The following MRTFA variants were observed in gnomAD, a reference collection of about 807,000 sequenced individuals.
MRTFA encodes myocardin-related transcription factor A.
MRTFA carries 20 observed loss-of-function variants against 83.5 expected under a neutral mutation model. That is an observed-to-expected ratio of 0.24 (90% CI 0.17 to 0.35). The LOEUF (loss-of-function observed/expected upper bound fraction) is 0.35. Among genes scored for constraint, MRTFA ranks in the 10% least tolerant of loss-of-function variants. The probability of loss-of-function intolerance (pLI) is 1.00; values close to 1 mark genes in which losing one functional copy is unlikely to be tolerated. For missense variants in MRTFA, 1,200 were observed against 1,224.7 expected (o/e 0.98, Z 0.30); for synonymous variants, 659 against 541.2 (o/e 1.22, Z -3.02).
chr22:40,631,526 G>A (rs892297659), intron 1 of MRTFA, among the ~76,000 whole-genome samples: 4 of 152,058 alleles, frequency 2.6e-5, no homozygotes, highest in African/African-American at 4.8e-5. Flanking sequence ...GTAGAGCCAG[G>A]ATTCCGATCT....
At chr22:40,538,537 C>A (rs1353839314) in intron 3 of MRTFA, among the ~76,000 whole-genome samples, 1 of 145,108 alleles carries the variant, frequency 6.9e-6, no homozygotes, top group African/African-American at 2.6e-5. Context: ...AAATCCCCCT[C>A]TGTGAGAAAC....
chr22:40,561,563 C>A (rs1602431443), intron 2 of MRTFA, among the ~76,000 whole-genome samples: 1 of 151,748 alleles, frequency 6.6e-6, no homozygotes, highest in Non-Finnish European at 1.5e-5. Flanking sequence ...ACTGCCCTTG[C>A]CTCTGTCTCT....
In MRTFA at chr22:40,519,444, G is replaced by A. The variant is rs150885830; in HGVS notation, c.241+32662C>T. 6.1e-3 allele frequency: 8,206 copies of A among 1,334,816 alleles called. 36 individuals are homozygous for A. Among genetic ancestry groups the A allele is most frequent in the Non-Finnish European group, 7.5e-3 (7,567 of 1,006,688 alleles). 82.7% of individuals were successfully genotyped at this position (1,334,816 alleles called of 1,614,324 possible). On this transcript the variant is annotated intron_variant, in intron 3 of 14. Transcript: ENST00000355630. Reference sequence around the variant, plus strand: ...ATCAGGGTTGAGAGATGAAGGCGATGTTGTTTTAGCGTTACCTACCAGTGC... The same window carrying A: ...ATCAGGGTTGAGAGATGAAGGCGATATTGTTTTAGCGTTACCTACCAGTGC...
chr22:40,558,522 C>A (rs541127199), intron 2 of MRTFA, among the ~76,000 whole-genome samples: 1 of 152,046 alleles, frequency 6.6e-6, no homozygotes, highest in Non-Finnish European at 1.5e-5. Context: ...AGAGATTTAG[C>A]ATTTACATGT....
At chr22:40,456,712 A>G (rs2147139198) in intron 4 of MRTFA, among the ~76,000 whole-genome samples, 1 of 152,274 alleles carries the variant, frequency 6.6e-6, no homozygotes, top group Middle Eastern at 3.4e-3. Flanking sequence ...CAAATTTTAA[A>G]AAGTTTTCTT....
At position 40,411,119 on chromosome 22, in the gene MRTFA, G is replaced by A. The variant is rs1602185140; in HGVS notation, c.*271C>T. 6 of 355,014 alleles carry A rather than the reference G, an allele frequency of 1.7e-5. No individual in the cohort carries two copies. The East Asian group carries it at 2.5e-4, about 15-fold the overall frequency. The allele number at this position is 355,014 out of a possible 1,614,324, so 22.0% of individuals were successfully genotyped here. The stretch of plus-strand genomic sequence containing the variant: ...GTGCCCCCTGACCTCAAAAAAGGAG[G>A]TCAAGCTGAAATGGCCCTGACCCTG... On this transcript the variant is annotated 3_prime_UTR_variant, in exon 15 of 15. Transcript: ENST00000355630.
rs754299840 is a variant in MRTFA at position 40,417,295 on chromosome 22, C to T, written c.2517+46G>A. 15 of 1,591,562 alleles carry T rather than the reference C, an allele frequency of 9.4e-6. No individual in the cohort carries two copies. In the South Asian group the frequency reaches 1.5e-4, roughly 16 times the overall value. On this transcript the variant is annotated intron_variant, in intron 13 of 14. Transcript: ENST00000355630. ...GCTGTAGGAGCCTCAGCCCAGCAGC[C>T]TAGGGCAGCTGCCAACACTAGCCAG... is the stretch of plus-strand genomic sequence containing the variant.
chr22:40,448,500 AATGC>A (rs1030210321), intron 4 of MRTFA, among the ~76,000 whole-genome samples: 1 of 152,160 alleles, frequency 6.6e-6, no homozygotes, highest in Non-Finnish European at 1.5e-5. Context: ...GATGAAACAA[AATGC>A]ATGATGGGTT....
chr22:40,418,645 T>A lies in MRTFA; in HGVS notation c.2093A>T (p.Asn698Ile). Reference sequence around the variant, plus strand: ...GGTGGCTGGGGCCGCCAGGCTGGGGTTGAATGGGTGAGCGGGGCCCAGGGG... The same window carrying A: ...GGTGGCTGGGGCCGCCAGGCTGGGGATGAATGGGTGAGCGGGGCCCAGGGG... The change falls in exon 12 of 15, where the codon AAC becomes ATC. Residue 698 changes from asparagine to isoleucine, a missense_variant. Coordinates refer to ENST00000355630, the MANE Select transcript of MRTFA (RefSeq NM_020831.6). 2 of 1,525,778 alleles carry A rather than the reference T, an allele frequency of 1.3e-6. No homozygotes were observed. The highest frequency in any genetic ancestry group is 1.7e-6 in the Non-Finnish European group (2 of 1,145,274). 94.5% of individuals were successfully genotyped at this position (1,525,778 alleles called of 1,614,324 possible).
chr22:40,577,609 A>ATTTT (rs71199293), intron 2 of MRTFA, among the ~76,000 whole-genome samples: 7 of 129,836 alleles, frequency 5.4e-5, no homozygotes, highest in African/African-American at 2.0e-4. Flanking sequence ...TCTACATCTG[A>ATTTT]TTTTTTTTTT....
intron 2 of MRTFA, among the ~76,000 whole-genome samples, chr22:40,576,338 G>A (rs1316518204): frequency 2.6e-5 from 4 of 152,070 alleles, no homozygotes; most frequent in Non-Finnish European, 5.9e-5. Flanking sequence ...GCCTAAAGAT[G>A]TAATTATTTT....
rs574943662 is a variant in MRTFA at position 40,454,221 on chromosome 22, C to T, written c.307+9000G>A. 4.6e-5 allele frequency among the ~76,000 whole-genome samples: 7 copies of T among 152,264 alleles called. No homozygotes were observed. In the South Asian group the frequency reaches 1.5e-3, roughly 32 times the overall value. Reference sequence around the variant, plus strand: ...GCACAATCTCAGCTCCCAGGCTAAGCGATCCTCTTGCCTCAGCCTCCTAAG... The same window carrying T: ...GCACAATCTCAGCTCCCAGGCTAAGTGATCCTCTTGCCTCAGCCTCCTAAG... On this transcript the variant is annotated intron_variant, in intron 4 of 14. Transcript: ENST00000355630.
At chr22:40,592,867 C>G (rs550806495) in intron 2 of MRTFA, among the ~76,000 whole-genome samples, 2 of 152,110 alleles carry the variant, frequency 1.3e-5, no homozygotes, top group Non-Finnish European at 2.9e-5. Flanking sequence ...GGGGAATTTT[C>G]TTGGTATTTT....
intron 3 of MRTFA, among the ~76,000 whole-genome samples, chr22:40,478,420 C>T (rs753318774): frequency 2.0e-5 from 3 of 152,156 alleles, no homozygotes; most frequent in Non-Finnish European, 4.4e-5. Flanking sequence ...AGGAACTCTC[C>T]GTACTATCTT....
In MRTFA at chr22:40,560,179, T is replaced by C. The variant is rs559494960; in HGVS notation, c.-21-7812A>G. Among the ~76,000 whole-genome samples the C allele has an allele frequency of 2.1e-3, 318 of 152,316 alleles. 1 individual carries two copies. The highest frequency in any genetic ancestry group is 7.4e-3 in the African/African-American group (306 of 41,568). Reference sequence around the variant, plus strand: ...CAAAACAAGAGGGGCAGAATGTTGATAATGTTGAAGCTGGTTATTAGGTAT... The same window carrying C: ...CAAAACAAGAGGGGCAGAATGTTGACAATGTTGAAGCTGGTTATTAGGTAT... On this transcript the variant is annotated intron_variant, in intron 2 of 14. Transcript: ENST00000355630.
chr22:40,426,779 T>C (rs1257631610), intron 7 of MRTFA, among the ~76,000 whole-genome samples: 1 of 152,158 alleles, frequency 6.6e-6, no homozygotes, highest in African/African-American at 2.4e-5. Flanking sequence ...GACACACACA[T>C]ATCCATTGTT....
chr22:40,473,618 G>A (rs575578733), intron 3 of MRTFA, among the ~76,000 whole-genome samples: 18 of 152,228 alleles, frequency 1.2e-4, no homozygotes, highest in Non-Finnish European at 2.2e-4. Flanking sequence ...ACTTAATTCA[G>A]CAACAGACAC....
At chr22:40,458,764 T>C (rs887700083) in intron 4 of MRTFA, among the ~76,000 whole-genome samples, 2 of 152,238 alleles carry the variant, frequency 1.3e-5, no homozygotes, top group South Asian at 2.1e-4. Context: ...CAAACTTAAA[T>C]CTGAGAGCTG....
Position 40,420,558 on chromosome 22 carries a change from CAGGGCCTCGCCT to C in MRTFA, c.1188_1199del (p.Glu398_Gly401del). Reference sequence around the variant, plus strand: ...GTACTGGGGGGGTCCCGCTGCTTCCCAGGGCCTCGCCTGCTGACCTGGGAAGAAAAGGCAGAA... The same window carrying C: ...GTACTGGGGGGGTCCCGCTGCTTCCCGCTGACCTGGGAAGAAAAGGCAGAA... On this transcript the variant is annotated inframe_deletion, in exon 11 of 15. Coordinates refer to ENST00000355630, the MANE Select transcript of MRTFA (RefSeq NM_020831.6). 1 of 1,613,472 alleles carries C rather than the reference CAGGGCCTCGCCT, an allele frequency of 6.2e-7. No homozygotes were observed. Among genetic ancestry groups the C allele is most frequent in the Non-Finnish European group, 8.5e-7 (1 of 1,179,980 alleles).
Sources: allele counts gnomAD v4.1 joint callset (sites outside exome capture counted in the v4.1 genomes callset), GRCh38; gene constraint gnomAD v4.1.1; transcripts MANE v1.5; gene names NCBI Gene and HGNC (gene_info 2026-07-23, HGNC 2026-07-21).